Variants in OCA2 observed in about 807,000 individuals in gnomAD.
OCA2 encodes P protein.
A neutral mutation model predicts 100.2 loss-of-function variants in OCA2; 77 were observed. The observed-to-expected ratio is 0.77, with a 90% confidence interval of 0.64 to 0.93. The LOEUF (loss-of-function observed/expected upper bound fraction) is 0.93. Ranked by LOEUF, OCA2 falls within the 40% of genes least tolerant of loss-of-function variation. OCA2 has a pLI of 0.00. For missense variants in OCA2, 1,062 were observed against 1,089.1 expected (o/e 0.98, Z 0.35); for synonymous variants, 432 against 439.2 (o/e 0.98, Z 0.21).
rs974973401 is a variant in OCA2 at position 27,933,680 on chromosome 15, C to T, written c.1952-7426G>A. On this transcript the variant is annotated intron_variant, in intron 18 of 23. Coordinates refer to ENST00000354638, the MANE Select transcript of OCA2 (RefSeq NM_000275.3). ...CAGGGCGGGAGTCACAACGTGCATG[C>T]TGGAGAGAACATAAGACTCATTGTC... Among the ~76,000 whole-genome samples, 11 of 152,272 alleles carry T rather than the reference C, an allele frequency of 7.2e-5. No individual in the cohort carries two copies. In the East Asian group the frequency reaches 1.9e-3, roughly 27 times the overall value.
In OCA2 at chr15:27,844,950, TA is replaced by T. The variant is rs754774943; in HGVS notation, c.2432+8del. 6.3e-7 allele frequency: 1 copy of T among 1,595,964 alleles called. No homozygotes were observed. The highest frequency in any genetic ancestry group is 8.6e-7 in the Non-Finnish European group (1 of 1,163,526). On this transcript the variant is annotated splice_region_variant and intron_variant, in intron 23 of 23. Coordinates refer to ENST00000354638, the MANE Select transcript of OCA2 (RefSeq NM_000275.3). ...TTTAACAGAAAATTTAAAGGGAATT[TA>T]AAAGTACCTGAAAAATTCCATGAAG...
chr15:27,872,869 T>C (rs1027045254), intron 19 of OCA2, among the ~76,000 whole-genome samples: 1 of 152,066 alleles, frequency 6.6e-6, no homozygotes, highest in Non-Finnish European at 1.5e-5. Context: ...TTTGTATTTT[T>C]AGTAGAGATG....
intron 2 of OCA2, among the ~76,000 whole-genome samples, chr15:28,038,742 G>C (rs1174570076): frequency 6.6e-6 from 1 of 152,234 alleles, no homozygotes; most frequent in Non-Finnish European, 1.5e-5. Flanking sequence ...CTGGTCTCTA[G>C]GTTCAAGGCA....
chr15:28,080,552 T>C (rs1020288904), intron 2 of OCA2, among the ~76,000 whole-genome samples: 5 of 152,198 alleles, frequency 3.3e-5, no homozygotes, highest in Non-Finnish European at 7.3e-5. Flanking sequence ...TGTAAGTCAA[T>C]AGAAACATTC....
intron 3 of OCA2, among the ~76,000 whole-genome samples, chr15:28,030,103 T>G (rs1022655353): frequency 6.6e-6 from 1 of 152,222 alleles, no homozygotes; most frequent in Non-Finnish European, 1.5e-5. Flanking sequence ...AGTTTTTGTC[T>G]TAAAAGTTAT....
intron 19 of OCA2, among the ~76,000 whole-genome samples, chr15:27,882,554 T>C (rs905161485): frequency 6.6e-6 from 1 of 152,240 alleles, no homozygotes; most frequent in Admixed American, 6.5e-5. Flanking sequence ...TTGCTATCTG[T>C]TGACTGTCAT....
At chr15:27,934,824 C>T (rs901924724) in intron 18 of OCA2, among the ~76,000 whole-genome samples, 1 of 152,218 alleles carries the variant, frequency 6.6e-6, no homozygotes, top group African/African-American at 2.4e-5. Flanking sequence ...GAAAAATTCC[C>T]TGCAATAGCC....
intron 19 of OCA2, among the ~76,000 whole-genome samples, chr15:27,912,484 C>G (rs1415033112): frequency 6.6e-6 from 1 of 152,160 alleles, no homozygotes; most frequent in Admixed American, 6.5e-5. Context: ...AAGCTGCTCC[C>G]AGTGGTCAAA....
intron 19 of OCA2, among the ~76,000 whole-genome samples, chr15:27,912,258 A>C (rs963106014): frequency 6.6e-5 from 10 of 152,222 alleles, no homozygotes; most frequent in African/African-American, 2.2e-4. Flanking sequence ...AGCGACATCT[A>C]AATTGCTACA....
chr15:27,883,100 C>T (rs2037087066), intron 19 of OCA2, among the ~76,000 whole-genome samples: 1 of 152,088 alleles, frequency 6.6e-6, no homozygotes. Flanking sequence ...TGGTTTTCCC[C>T]CACACTCCCT....
chr15:27,963,052 A>T (rs769950595), intron 15 of OCA2, among the ~76,000 whole-genome samples: 2 of 152,238 alleles, frequency 1.3e-5, no homozygotes, highest in Admixed American at 6.5e-5. Context: ...GATTGTTTTT[A>T]TAGCAAGGTG....
At chr15:28,039,311 A>G (rs2043135152) in intron 2 of OCA2, among the ~76,000 whole-genome samples, 1 of 152,216 alleles carries the variant, frequency 6.6e-6, no homozygotes, top group African/African-American at 2.4e-5. Context: ...CCTAACAGAC[A>G]TATACAAAAC....
chr15:27,796,582 C>T (rs78506525), intron 23 of OCA2, among the ~76,000 whole-genome samples: 13 of 152,118 alleles, frequency 8.5e-5, no homozygotes, highest in African/African-American at 2.9e-4. Flanking sequence ...TGTAACAGGT[C>T]TAAGCACGGA....
chr15:28,004,762 C>G (rs116864083), intron 9 of OCA2, among the ~76,000 whole-genome samples: 6,194 of 152,186 alleles, frequency 0.041, 218 homozygotes, highest in South Asian at 0.13. Context: ...GACACATGGT[C>G]TCACACACAC....
In OCA2 at chr15:28,043,681, A is replaced by C. The variant is rs1198678289; in HGVS notation, c.228-11518T>G. Among the ~76,000 whole-genome samples, 2 of 152,194 alleles carry C rather than the reference A, an allele frequency of 1.3e-5. No homozygotes were observed. Among genetic ancestry groups the C allele is most frequent in the African/African-American group, 2.4e-5 (1 of 41,454 alleles). On this transcript the variant is annotated intron_variant, in intron 2 of 23. Coordinates refer to ENST00000354638, the MANE Select transcript of OCA2 (RefSeq NM_000275.3). The surrounding 1 kb of genome is among the most constrained non-coding windows in gnomAD (Gnocchi z 4.4). ...GGAAGGATTGTTTTCAGGCAGAAAAAACCCGAGGGAAGAAATCAGACCAAC... is the reference window on the plus strand; with the variant it reads ...GGAAGGATTGTTTTCAGGCAGAAAACACCCGAGGGAAGAAATCAGACCAAC...
the OCA2 span, among the ~76,000 whole-genome samples, chr15:27,742,710 A>G: frequency 6.6e-6 from 1 of 152,224 alleles, no homozygotes; most frequent in Non-Finnish European, 1.5e-5. Flanking sequence ...TGTCACTAAA[A>G]GAATCCCTCA....
intron 23 of OCA2, among the ~76,000 whole-genome samples, chr15:27,763,780 G>T (rs2031032764): frequency 6.6e-6 from 1 of 152,206 alleles, no homozygotes; most frequent in Admixed American, 6.5e-5. Flanking sequence ...TACTGGGTGG[G>T]AGTGAGTGGT....
intron 23 of OCA2, among the ~76,000 whole-genome samples, chr15:27,835,770 C>T (rs963685778): frequency 1.3e-5 from 2 of 152,172 alleles, no homozygotes; most frequent in African/African-American, 2.4e-5. Flanking sequence ...TTCTCCAGCA[C>T]CTCAGTAACA....
intron 16 of OCA2, among the ~76,000 whole-genome samples, chr15:27,955,616 T>C (rs2040197321): frequency 6.6e-6 from 1 of 152,208 alleles, no homozygotes; most frequent in Admixed American, 6.5e-5. Context: ...TATACAACTA[T>C]TACAACCAAC....
Sources: allele counts gnomAD v4.1 joint callset (sites outside exome capture counted in the v4.1 genomes callset), GRCh38; gene constraint gnomAD v4.1.1; non-coding constraint Gnocchi (gnomAD v3.1); transcripts MANE v1.5; gene names NCBI Gene and HGNC (gene_info 2026-07-23, HGNC 2026-07-21).